The following MZT2A variants were observed in gnomAD, a reference collection of about 807,000 sequenced individuals.
MZT2A encodes the protein mitotic spindle organizing protein 2A.
A neutral mutation model predicts 12.4 loss-of-function variants in MZT2A; 8 were observed. The ratio of observed to expected loss-of-function variants is 0.64; its 90% confidence interval spans 0.38 to 1.16. The LOEUF (loss-of-function observed/expected upper bound fraction) is 1.16, where lower values mean the gene tolerates loss of function less well. MZT2A is among the 50% of genes most tolerant of loss of function. The probability of loss-of-function intolerance (pLI) is 0.01; values close to 1 mark genes in which losing one functional copy is unlikely to be tolerated. For synonymous variants in MZT2A, 88 were observed against 107.5 expected, an observed-to-expected ratio of 0.82 and a Z score of 1.12; for missense variants, 181 against 223.6, an observed-to-expected ratio of 0.81 and a Z score of 1.22.
At chr2:131,490,866 T>A in intron 2 of MZT2A, 1 of 1,550,020 alleles carries the variant, frequency 6.5e-7, no homozygotes. Context: ...GGGGGGCTAC[T>A]GTTCCTGGCA....
At chr2:131,480,750 G>C (rs772787251), downstream of MZT2A, 2 of 1,607,476 alleles carry the variant, frequency 1.2e-6, no homozygotes, top group African/African-American at 2.7e-5. Flanking sequence ...TGGATTTAAG[G>C]TATGACTGGG....
intron 2 of MZT2A, chr2:131,489,968 C>T (rs772191974): frequency 1.2e-3 from 1,126 of 977,204 alleles, no homozygotes; most frequent in Non-Finnish European, 1.3e-3. Flanking sequence ...GAACTCTGTT[C>T]CCAGTTTCTC....
downstream of MZT2A, among the ~76,000 whole-genome samples, chr2:131,481,372 G>A (rs568249193): frequency 1.3e-5 from 2 of 151,296 alleles, no homozygotes; most frequent in Non-Finnish European, 1.5e-5. Context: ...AGGCTCCAGC[G>A]ATTCTCTCAC....
Position 131,484,168 on chromosome 2 carries a change from G to C in MZT2A, c.370C>G (p.Arg124Gly), listed in dbSNP as rs377259626. The change falls in exon 3 of 3, where the codon CGC (arginine) becomes GGC (glycine). Residue 124 changes from arginine (R) to glycine (G), a missense_variant. Transcript: ENST00000309451. ...TGGCTGGATCCCTCGTGGTTGCTGCGTTCCGCCAGGGCCAATACTCCCCCG... is the reference window on the plus strand; with the variant it reads ...TGGCTGGATCCCTCGTGGTTGCTGCCTTCCGCCAGGGCCAATACTCCCCCG... ...ALGGVLALAERSNHEGSSQRM... is the reference protein window; with the variant it reads ...ALGGVLALAEGSNHEGSSQRM... 5.6e-5 allele frequency: 91 copies of C among 1,614,080 alleles called. No homozygotes were observed. Among genetic ancestry groups the C allele is most frequent in the Non-Finnish European group, 7.5e-5 (89 of 1,179,990 alleles).
chr2:131,492,788 G>A (rs1353993723), upstream of MZT2A: 22 of 1,351,566 alleles, frequency 1.6e-5, no homozygotes, highest in Non-Finnish European at 2.1e-5. Flanking sequence ...CTTCGGGGGG[G>A]GTGGGGGGCA....
In MZT2A at chr2:131,490,388, T is replaced by C. The variant is rs1403235925; in HGVS notation, c.319+1488A>G. On this transcript the variant is annotated intron_variant, in intron 2 of 2. Coordinates refer to ENST00000309451, the MANE Select transcript of MZT2A (RefSeq NM_001085365.2). ...GAGGCGTTTGTCACGCCTGGGGCTG[T>C]GCTCTCCAGCAGAGCACACTGCACC... 2.6e-6 allele frequency: 3 copies of C among 1,149,962 alleles called. No individual in the cohort carries two copies. The African/African-American group carries it at 4.8e-5, about 18-fold the overall frequency. 71.2% of individuals were successfully genotyped at this position (1,149,962 alleles called of 1,614,324 possible).
At chr2:131,487,123 C>T (rs747581363) in intron 2 of MZT2A, among the ~76,000 whole-genome samples, 4 of 152,154 alleles carry the variant, frequency 2.6e-5, no homozygotes, top group Non-Finnish European at 4.4e-5. Context: ...GATGCCCCTA[C>T]ACCTGGTCCC....
At chr2:131,490,768 A>T in intron 2 of MZT2A, 1 of 1,549,516 alleles carries the variant, frequency 6.5e-7, no homozygotes. Flanking sequence ...GGGGGCCTGG[A>T]GAGAGAGGTG....
At chr2:131,482,393 T>A (rs1171162169), downstream of MZT2A, among the ~76,000 whole-genome samples, 1 of 152,224 alleles carries the variant, frequency 6.6e-6, no homozygotes, top group African/African-American at 2.4e-5. Flanking sequence ...TCTGGAACTA[T>A]CACCCTGCCT....
chr2:131,486,442 A>C (rs1314148167), intron 2 of MZT2A: 2 of 158,754 alleles, frequency 1.3e-5, no homozygotes, highest in Non-Finnish European at 2.9e-5. Flanking sequence ...ATGCGCTCTC[A>C]GCTCCCCACA....
chr2:131,479,484 T>C, downstream of MZT2A: 1 of 1,606,050 alleles, frequency 6.2e-7, no homozygotes, highest in Admixed American at 1.7e-5. Flanking sequence ...CATGTGGCCA[T>C]TTTCTTGCAT....
At chr2:131,473,400 G>A (rs1018886204) in intron 2 of MZT2A, among the ~76,000 whole-genome samples, 3 of 147,430 alleles carry the variant, frequency 2.0e-5, no homozygotes, top group African/African-American at 5.4e-5. Context: ...CTCAACTCCT[G>A]GACCTCATGA....
upstream of MZT2A, chr2:131,492,705 G>C: frequency 7.9e-7 from 1 of 1,260,606 alleles, no homozygotes; most frequent in Non-Finnish European, 1.0e-6. Flanking sequence ...CATACATTGG[G>C]CGCTCAGTCA....
In MZT2A at chr2:131,484,107, G is replaced by A. The variant is rs371853495; in HGVS notation, c.431C>T (p.Pro144Leu). The A allele has an allele frequency of 4.3e-6, 7 of 1,613,790 alleles. No individual in the cohort carries two copies. Among genetic ancestry groups the A allele is most frequent in the Non-Finnish European group, 5.9e-6 (7 of 1,179,896 alleles). ...GCTCTTCCCAGGCCCGCCCCCCTTGGGCAGCCTGGTAGCGCTGGGCTGGCG... is the reference window on the plus strand; with the variant it reads ...GCTCTTCCCAGGCCCGCCCCCCTTGAGCAGCCTGGTAGCGCTGGGCTGGCG... The part of the protein sequence containing the change: ...MPRQPSATRL[P>L]KGGGPGKSPT... The change falls in exon 3 of 3, where the codon CCC becomes CTC. Residue 144 changes from proline to leucine, a missense_variant. Around this residue, in one of 3 missense-constraint regions of MZT2A, gnomAD observed 72 missense variants for 76.9 expected, o/e 0.94. Transcript: ENST00000309451.
chr2:131,493,697 A>T (rs1276086452), upstream of MZT2A, among the ~76,000 whole-genome samples: 1 of 152,030 alleles, frequency 6.6e-6, no homozygotes, highest in East Asian at 1.9e-4. Context: ...AAAAAAACAA[A>T]CGGGTCCGAA....
chr2:131,477,982 T>A (rs1678730928), intron 2 of MZT2A, among the ~76,000 whole-genome samples: 1 of 152,164 alleles, frequency 6.6e-6, no homozygotes, highest in South Asian at 2.1e-4. Flanking sequence ...GCTAGTATGG[T>A]TTACAGCAAT....
At chr2:131,483,626 AAT>A (rs1456646446), downstream of MZT2A, among the ~76,000 whole-genome samples, 2 of 152,052 alleles carry the variant, frequency 1.3e-5, no homozygotes, top group Non-Finnish European at 2.9e-5. Flanking sequence ...GAGGCAGGAG[AAT>A]GGCGCGAACC....
chr2:131,476,055 G>C, intron 2 of MZT2A: 1 of 1,497,262 alleles, frequency 6.7e-7, no homozygotes, highest in Non-Finnish European at 9.0e-7. Flanking sequence ...CCGCCTCCCA[G>C]GAACTCCGAG....
Position 131,492,272 on chromosome 2 carries a change from G to C in MZT2A, c.105C>G (p.Thr35=), listed in dbSNP as rs1679357180. 6.3e-7 allele frequency: 1 copy of C among 1,578,082 alleles called. No homozygotes were observed. The highest frequency in any genetic ancestry group is 1.4e-5 in the African/African-American group (1 of 73,846). ...CCAGCTCGTACAGCTCCATCTCCTC[G>C]GTGCTCAGCACCTTCTTGCGCCGCA... is the stretch of plus-strand genomic sequence containing the variant. The part of the protein sequence containing the change: ...LALRRKKVLS[T]EEMELYELAQ... Residue 35 remains threonine, a synonymous_variant, in exon 1 of 3, where the codon ACC becomes ACG. Coordinates refer to ENST00000309451, the MANE Select transcript of MZT2A (RefSeq NM_001085365.2).
Sources: allele counts gnomAD v4.1 joint callset (sites outside exome capture counted in the v4.1 genomes callset), GRCh38; gene constraint gnomAD v4.1.1; regional missense constraint gnomAD v4.1.1; transcripts MANE v1.5; gene names NCBI Gene and HGNC (gene_info 2026-07-23, HGNC 2026-07-21).